GRIA2: variants seen among roughly 807,000 people sequenced by gnomAD.
The protein encoded by GRIA2 is glutamate receptor 2.
A neutral mutation model predicts 97.3 loss-of-function variants in GRIA2; 14 were observed. The ratio of observed to expected loss-of-function variants is 0.14; its 90% CI spans 0.10 to 0.23. The LOEUF (loss-of-function observed/expected upper bound fraction) is 0.23. Ranked by LOEUF, GRIA2 falls within the 10% of genes least tolerant of loss-of-function variation. GRIA2 has a pLI of 1.00. For missense variants in GRIA2, 558 were observed against 1,069.8 expected, an observed-to-expected ratio of 0.52 and a Z score of 6.67; for synonymous variants, 412 against 387.8, an observed-to-expected ratio of 1.06 and a Z score of -0.73.
At chr4:157,343,751 G>T (rs1331562390) in intron 12 of GRIA2, among the ~76,000 whole-genome samples, 1 of 152,022 alleles carries the variant, frequency 6.6e-6, no homozygotes, top group Non-Finnish European at 1.5e-5. Flanking sequence ...TCACCAAAGA[G>T]AATAGGAACT....
At chr4:157,257,215 A>G (rs1271081142) in intron 2 of GRIA2, among the ~76,000 whole-genome samples, 6 of 152,078 alleles carry the variant, frequency 3.9e-5, no homozygotes, top group Admixed American at 6.6e-5. Context: ...GATGGAATCT[A>G]TCACTTTTTT....
intron 2 of GRIA2, among the ~76,000 whole-genome samples, chr4:157,256,714 A>C (rs528492591): frequency 6.6e-6 from 1 of 152,062 alleles, no homozygotes; most frequent in South Asian, 2.1e-4. Flanking sequence ...ATGATACTTA[A>C]TTAATCTGTA....
intron 12 of GRIA2, among the ~76,000 whole-genome samples, chr4:157,355,573 A>AAT (rs1336550102): frequency 1.8e-4 from 19 of 105,446 alleles, no homozygotes; most frequent in East Asian, 4.7e-4. Context: ...CTGTATGGGA[A>AAT]ATATATATAT....
At chr4:157,227,747 A>G (rs1579286591) in intron 2 of GRIA2, among the ~76,000 whole-genome samples, 1 of 152,340 alleles carries the variant, frequency 6.6e-6, no homozygotes, top group African/African-American at 2.4e-5. Context: ...TTATTATTAT[A>G]GCAATTTTAA....
At position 157,312,731 on chromosome 4, in the gene GRIA2, A is replaced by G; in HGVS notation, c.522A>G (p.Gln174=). The G allele has an allele frequency of 6.2e-7, 1 of 1,611,424 alleles. No individual in the cohort carries two copies. The highest frequency in any genetic ancestry group is 1.3e-5 in the African/African-American group (1 of 74,950). The change falls in exon 4 of 16, where the codon CAA becomes CAG. Residue 174 remains glutamine (Q), a synonymous_variant. Transcript: ENST00000264426. ...ATTCTGCTGCTGAAAAGAAATGGCA[A>G]GTGACTGCTATCAATGTGGGAAACA... ...VLDSAAEKKW[Q]VTAINVGNIN... is the part of the protein sequence containing the mutation.
intron 2 of GRIA2, among the ~76,000 whole-genome samples, chr4:157,285,979 C>T (rs1032370643): frequency 2.6e-5 from 4 of 151,292 alleles, no homozygotes; most frequent in African/African-American, 7.3e-5. Context: ...GGATTTAAAC[C>T]TATGTCCAAC....
chr4:157,300,709 TA>T, intron 2 of GRIA2, among the ~76,000 whole-genome samples: 1 of 152,236 alleles, frequency 6.6e-6, no homozygotes, highest in East Asian at 1.9e-4. Context: ...GCTATTGTTG[TA>T]AAAATAGGTT....
rs184412936 is a variant in GRIA2, at chr4:157,361,434, C to T, written c.2406+310C>T. ...CTTACCGTTTGCTTAGGCCAAATGG[C>T]GCATCAATGACTATCGCTCTTACAA... On this transcript the variant is annotated intron_variant, in intron 14 of 15. Coordinates refer to ENST00000264426, the MANE Select transcript of GRIA2 (RefSeq NM_001083619.3). The surrounding 1 kb of genome is among the most constrained non-coding windows in gnomAD (Gnocchi z 5.2). The T allele has an allele frequency of 1.5e-4, 132 of 887,996 alleles. 1 individual carries two copies. In the Admixed American group the frequency reaches 2.7e-3, roughly 18 times the overall value. 55.0% of individuals were successfully genotyped at this position (887,996 alleles called of 1,614,324 possible).
intron 2 of GRIA2, among the ~76,000 whole-genome samples, chr4:157,229,552 T>G (rs1270826743): frequency 2.0e-5 from 3 of 152,208 alleles, no homozygotes. Flanking sequence ...GCTTACGTTT[T>G]TGTATCCATG....
chr4:157,302,088 G>T (rs1185650843), intron 2 of GRIA2, among the ~76,000 whole-genome samples: 1 of 151,120 alleles, frequency 6.6e-6, no homozygotes, highest in South Asian at 2.1e-4. Flanking sequence ...CAGGAGAATC[G>T]CTTGAACCCG....
At chr4:157,360,170 T>A (rs771054237) in intron 13 of GRIA2, 27 bp downstream of exon 13, 13 of 1,602,882 alleles carry the variant, frequency 8.1e-6, no homozygotes, top group Non-Finnish European at 8.5e-6. Flanking sequence ...AACAATATGC[T>A]AAATGTTGTT....
chr4:157,358,645 C>A (rs1736498471), intron 12 of GRIA2, among the ~76,000 whole-genome samples: 1 of 152,068 alleles, frequency 6.6e-6, no homozygotes, highest in African/African-American at 2.4e-5. Context: ...ATACAACAGC[C>A]CCTACTCCAA....
intron 11 of GRIA2, among the ~76,000 whole-genome samples, chr4:157,340,036 T>C (rs1294936700): frequency 1.3e-5 from 2 of 151,928 alleles, no homozygotes; most frequent in Non-Finnish European, 2.9e-5. Context: ...TTTTAGCAAC[T>C]GATGTTTTTA....
At chr4:157,278,876 G>A (rs893696593) in intron 2 of GRIA2, among the ~76,000 whole-genome samples, 2 of 151,872 alleles carry the variant, frequency 1.3e-5, no homozygotes, top group African/African-American at 4.8e-5. Context: ...CATATAAAAA[G>A]ACTTTCCACA....
intron 2 of GRIA2, among the ~76,000 whole-genome samples, chr4:157,294,316 G>T (rs1015176489): frequency 2.0e-5 from 3 of 151,248 alleles, no homozygotes; most frequent in African/African-American, 7.3e-5. Context: ...ATGATTATTT[G>T]GACTGAGATG....
intron 8 of GRIA2, 82 bp from the exon 9 acceptor site, chr4:157,333,927 AG>A: frequency 1.4e-6 from 1 of 716,516 alleles, no homozygotes; most frequent in Admixed American, 2.0e-5. Flanking sequence ...TTTCAGATTC[AG>A]ACATGGCTTT....
chr4:157,340,560 T>C (rs1486980688), intron 11 of GRIA2, among the ~76,000 whole-genome samples: 1 of 151,984 alleles, frequency 6.6e-6, no homozygotes, highest in Non-Finnish European at 1.5e-5. Context: ...ATGTCTAATT[T>C]GTTTTCTTTG....
At chr4:157,248,733 G>A (rs991480102) in intron 2 of GRIA2, among the ~76,000 whole-genome samples, 27 of 128,542 alleles carry the variant, frequency 2.1e-4, no homozygotes, top group South Asian at 1.7e-3. Context: ...GTATATACAC[G>A]TATGTATATA....
chr4:157,311,951 C>G (rs1278947450), intron 3 of GRIA2, among the ~76,000 whole-genome samples: 2 of 151,778 alleles, frequency 1.3e-5, no homozygotes, highest in East Asian at 3.9e-4. Context: ...AAAAATTTTC[C>G]AAGTGATATG....
Sources: allele counts gnomAD v4.1 joint callset (sites outside exome capture counted in the v4.1 genomes callset), GRCh38; gene constraint gnomAD v4.1.1; non-coding constraint Gnocchi (gnomAD v3.1); transcripts MANE v1.5; gene names NCBI Gene and HGNC (gene_info 2026-07-23, HGNC 2026-07-21).